Variants in RIPK2 observed in about 807,000 individuals in gnomAD.
RIPK2 encodes receptor interacting serine/threonine kinase 2.
Under a neutral mutation model 60.9 loss-of-function variants are expected in RIPK2, and 38 were observed. The observed-to-expected ratio is 0.62, with a 90% CI of 0.48 to 0.82. RIPK2 has a LOEUF of 0.82. Ranked by LOEUF, RIPK2 falls within the 40% of genes least tolerant of loss-of-function variation. The probability of loss-of-function intolerance (pLI) is 0.00; values close to 1 mark genes in which losing one functional copy is unlikely to be tolerated. For missense variants in RIPK2, 518 were observed against 647.0 expected (o/e 0.80, Z 2.16); for synonymous variants, 225 against 223.4 (o/e 1.01, Z -0.06).
intron 6 of RIPK2, among the ~76,000 whole-genome samples, chr8:89,775,196 G>A (rs1356030814): frequency 6.6e-6 from 1 of 152,126 alleles, no homozygotes; most frequent in African/African-American, 2.4e-5. Flanking sequence ...CCAGCACTTT[G>A]GGAGACCAAG....
intron 4 of RIPK2, 102 bp from the exon 5 acceptor site, chr8:89,771,639 G>GA: frequency 1.4e-6 from 1 of 704,042 alleles, no homozygotes; most frequent in Non-Finnish European, 2.4e-6. Context: ...TTATCACTTT[G>GA]AAAAATGGTA....
chr8:89,778,137 A>G (rs911033750), intron 6 of RIPK2, among the ~76,000 whole-genome samples: 10 of 152,180 alleles, frequency 6.6e-5, no homozygotes, highest in Non-Finnish European at 1.3e-4. Context: ...TAAAAAAAAT[A>G]TAGGTTAACT....
intron 5 of RIPK2, among the ~76,000 whole-genome samples, 191 bp from the exon 6 acceptor site, chr8:89,772,476 A>T (rs1809330026): frequency 6.6e-6 from 1 of 152,086 alleles, no homozygotes; most frequent in Admixed American, 6.6e-5. Flanking sequence ...TGAGGATATA[A>T]ACTCATTCCA....
chr8:89,787,994 A>C (rs1809614080), intron 9 of RIPK2, among the ~76,000 whole-genome samples: 2 of 152,154 alleles, frequency 1.3e-5, no homozygotes, highest in South Asian at 4.1e-4. Context: ...GGTAAAGCCA[A>C]ATAAATTGTT....
chr8:89,765,412 T>C lies in RIPK2; in HGVS notation c.399T>C (p.Asn133=). ...RILHEIALGV[N]YLHNMTPPLL... is the part of the protein sequence containing the mutation. ...TGCATGAAATTGCCCTTGGTGTAAA[T>C]TACCTGCACAATATGACTCCTCCTT... The change falls in exon 3 of 11, where the codon AAT becomes AAC. Residue 133 remains asparagine, a synonymous_variant. Coordinates refer to ENST00000220751, the MANE Select transcript of RIPK2 (RefSeq NM_003821.6). The C allele has an allele frequency of 1.2e-6, 2 of 1,605,396 alleles. No individual in the cohort carries two copies. The highest frequency in any genetic ancestry group is 1.3e-5 in the African/African-American group (1 of 74,784).
At position 89,790,107 on chromosome 8, in the gene RIPK2, G is replaced by A. The variant is rs760480302; in HGVS notation, c.1314G>A (p.Gln438=). The A allele has an allele frequency of 6.2e-6, 10 of 1,613,846 alleles. No individual in the cohort carries two copies. In the Admixed American group the frequency reaches 1.5e-4, roughly 24 times the overall value. ...GTCTGCAGCCTGGTATAGCCCAGCA[G>A]TGGATCCAGAGCAAAAGGGAAGACA... The part of the protein sequence containing the change: ...SERLQPGIAQ[Q]WIQSKREDIV... Residue 438 remains glutamine (Q), a synonymous_variant, in exon 11 of 11, where the codon CAG becomes CAA. Transcript: ENST00000220751.
chr8:89,773,668 G>A (rs943328130), intron 6 of RIPK2, among the ~76,000 whole-genome samples: 2 of 152,114 alleles, frequency 1.3e-5, no homozygotes, highest in African/African-American at 4.8e-5. Context: ...AAGCAAAGAG[G>A]CTAGAAAAGA....
intron 1 of RIPK2, 118 bp downstream of exon 1, chr8:89,758,351 G>T: frequency 4.7e-6 from 5 of 1,060,448 alleles, no homozygotes; most frequent in Non-Finnish European, 5.3e-6. Context: ...GCCTCACCTC[G>T]TCACCTCTAG....
intron 1 of RIPK2, among the ~76,000 whole-genome samples, chr8:89,761,996 G>A (rs1420142882): frequency 6.6e-6 from 1 of 151,504 alleles, no homozygotes; most frequent in Non-Finnish European, 1.5e-5. Context: ...GGAGTTTGAG[G>A]CCACCCTGAA....
At position 89,761,568 on chromosome 8, in the gene RIPK2, A is replaced by G. The variant is rs77638583; in HGVS notation, c.174-1261A>G. On this transcript the variant is annotated intron_variant, in intron 1 of 10. Coordinates refer to ENST00000220751, the MANE Select transcript of RIPK2 (RefSeq NM_003821.6). The stretch of plus-strand genomic sequence containing the variant: ...CCTACATCTTGTTGCCAAATTGATC[A>G]TCTTAAAATTGTATTCTACTGTCAT... 2.0e-5 allele frequency among the ~76,000 whole-genome samples: 3 copies of G among 152,194 alleles called. No homozygotes were observed. In the East Asian group the frequency reaches 5.8e-4, roughly 29 times the overall value.
chr8:89,781,239 G>A (rs1001223138), intron 7 of RIPK2, among the ~76,000 whole-genome samples: 3 of 151,854 alleles, frequency 2.0e-5, no homozygotes, highest in African/African-American at 7.3e-5. Context: ...ATAAAGGAAG[G>A]AACTAAAGAG....
At chr8:89,787,907 G>T (rs1317305649) in intron 9 of RIPK2, among the ~76,000 whole-genome samples, 1 of 152,094 alleles carries the variant, frequency 6.6e-6, no homozygotes, top group Non-Finnish European at 1.5e-5. Context: ...AGGAGGGGTG[G>T]TATGTGAGAT....
rs1048328177 is a variant in RIPK2 at position 89,785,474 on chromosome 8, T to A, written c.1030-1119T>A. On this transcript the variant is annotated intron_variant, in intron 8 of 10. Transcript: ENST00000220751. The stretch of plus-strand genomic sequence containing the variant: ...AAAAAACTTTGTTTCAGGTATAAAA[T>A]TATTTTAAAATATTGAATTAAGTTA... 2.6e-5 allele frequency among the ~76,000 whole-genome samples: 4 copies of A among 152,210 alleles called. No homozygotes were observed. In the South Asian group the frequency reaches 8.3e-4, roughly 32 times the overall value.
intron 9 of RIPK2, among the ~76,000 whole-genome samples, chr8:89,787,126 C>T (rs1480619761): frequency 1.3e-5 from 2 of 151,908 alleles, no homozygotes; most frequent in Non-Finnish European, 2.9e-5. Flanking sequence ...ATTGCACCAC[C>T]ACACTCCATC....
intron 10 of RIPK2, 115 bp downstream of exon 10, chr8:89,789,597 A>G (rs532578841): frequency 6.3e-6 from 6 of 959,346 alleles, no homozygotes; most frequent in East Asian, 2.5e-5. Context: ...TGATAAATAC[A>G]TACCTTCTTA....
chr8:89,788,782 AAGAGAGAGAGAC>A (rs747416466), intron 9 of RIPK2, among the ~76,000 whole-genome samples: 28 of 151,596 alleles, frequency 1.8e-4, no homozygotes, highest in Non-Finnish European at 3.5e-4. Flanking sequence ...CCATCTAAGA[AAGAGAGAGAGAC>A]AGAGAGAGAG....
At chr8:89,762,020 C>T (rs1809154763) in intron 1 of RIPK2, among the ~76,000 whole-genome samples, 1 of 145,858 alleles carries the variant, frequency 6.9e-6, no homozygotes, top group Admixed American at 6.6e-5. Context: ...CATAGTGAGA[C>T]CTTGTCTCTA....
chr8:89,761,625 G>A (rs891042288), intron 1 of RIPK2, among the ~76,000 whole-genome samples: 1 of 151,410 alleles, frequency 6.6e-6, no homozygotes, highest in African/African-American at 2.4e-5. Flanking sequence ...GTCACACCAG[G>A]TACATTGGCA....
intron 1 of RIPK2, among the ~76,000 whole-genome samples, chr8:89,758,754 C>T (rs13281958): frequency 0.081 from 12,345 of 151,986 alleles, 538 homozygotes; most frequent in Middle Eastern, 0.095. Context: ...TACCAGAGTT[C>T]GAATGCTTAG....
Sources: allele counts gnomAD v4.1 joint callset (sites outside exome capture counted in the v4.1 genomes callset), GRCh38; gene constraint gnomAD v4.1.1; transcripts MANE v1.5; gene names NCBI Gene and HGNC (gene_info 2026-07-23, HGNC 2026-07-21).